PDZRN4: variants seen among roughly 807,000 people sequenced by gnomAD.
PDZRN4 encodes PDZ domain containing ring finger 4, also known as PDZ domain-containing RING finger protein 4.
PDZRN4 carries 70 observed loss-of-function variants against 99.0 expected under a neutral mutation model. The observed-to-expected ratio is 0.71, with a 90% CI of 0.58 to 0.86. The LOEUF (loss-of-function observed/expected upper bound fraction) is 0.86. Ranked by LOEUF, PDZRN4 falls within the 40% of genes least tolerant of loss-of-function variation. The pLI is 0.00. For missense variants in PDZRN4, 1,474 were observed against 1,331.2 expected, an observed-to-expected ratio of 1.11 and a Z score of -1.67; for synonymous variants, 551 against 501.6, an observed-to-expected ratio of 1.10 and a Z score of -1.32.
chr12:41,203,546 T>C (rs1950830387), intron 3 of PDZRN4, among the ~76,000 whole-genome samples: 2 of 152,002 alleles, frequency 1.3e-5, no homozygotes, highest in Non-Finnish European at 2.9e-5. Context: ...ATGTCAAGCA[T>C]TCTTTAGGTT....
chr12:41,270,546 C>G (rs1438433481), intron 3 of PDZRN4, among the ~76,000 whole-genome samples: 1 of 152,086 alleles, frequency 6.6e-6, no homozygotes, highest in Non-Finnish European at 1.5e-5. Flanking sequence ...TTGGCTTTCT[C>G]AAAATTTCCA....
chr12:41,199,572 C>T (rs1950801310), intron 3 of PDZRN4, among the ~76,000 whole-genome samples: 2 of 152,152 alleles, frequency 1.3e-5, no homozygotes, highest in African/African-American at 4.8e-5. Flanking sequence ...TTTATTGCAG[C>T]ACCATTCACA....
At chr12:41,342,020 C>A (rs1454340090) in intron 3 of PDZRN4, among the ~76,000 whole-genome samples, 2 of 151,590 alleles carry the variant, frequency 1.3e-5, no homozygotes, top group African/African-American at 4.8e-5. Context: ...CAATGGAACA[C>A]AATAAAAATC....
At chr12:41,207,436 A>C (rs953423331) in intron 3 of PDZRN4, among the ~76,000 whole-genome samples, 6 of 151,820 alleles carry the variant, frequency 4.0e-5, no homozygotes, top group Non-Finnish European at 5.9e-5. Flanking sequence ...TATATTTCAT[A>C]CAGTATGCTA....
intron 3 of PDZRN4, among the ~76,000 whole-genome samples, chr12:41,260,762 T>G (rs2120829917): frequency 6.6e-6 from 1 of 152,152 alleles, no homozygotes; most frequent in East Asian, 1.9e-4. Context: ...TATATAAACT[T>G]GTGTACAATT....
rs558932747 is a variant in PDZRN4, at chr12:41,525,598, AG to A, written c.1203+15687del. 2.0e-5 allele frequency among the ~76,000 whole-genome samples: 3 copies of A among 152,196 alleles called. No homozygotes were observed. In the South Asian group the frequency reaches 6.2e-4, roughly 31 times the overall value. On this transcript the variant is annotated intron_variant, in intron 5 of 9. Coordinates refer to ENST00000402685, the MANE Select transcript of PDZRN4 (RefSeq NM_001164595.2). ...GAATATAGATATGTAAGATAGATAT[AG>A]GTATAGACAGATCTACGTAGATTTG...
intron 3 of PDZRN4, among the ~76,000 whole-genome samples, chr12:41,225,325 CT>C (rs758688901): frequency 1.1e-4 from 16 of 151,710 alleles, no homozygotes; most frequent in Non-Finnish European, 2.2e-4. Flanking sequence ...GTGGTTGCAT[CT>C]GATGTAATAA....
intron 3 of PDZRN4, chr12:41,473,380 A>G (rs1346192713): frequency 6.6e-6 from 1 of 152,214 alleles, no homozygotes; most frequent in African/African-American, 2.4e-5. Context: ...AATTTAAATG[A>G]TACCACTCAG....
chr12:41,475,368 G>A (rs987227859), intron 3 of PDZRN4, among the ~76,000 whole-genome samples: 1 of 152,100 alleles, frequency 6.6e-6, no homozygotes, highest in African/African-American at 2.4e-5. Flanking sequence ...AAATTGTAGG[G>A]TAAAATAAAT....
At chr12:41,571,362 TCTCTCTCTCTCTCTCA>T (rs1222993506) in intron 9 of PDZRN4, among the ~76,000 whole-genome samples, 120 of 97,830 alleles carry the variant, frequency 1.2e-3, no homozygotes, top group African/African-American at 5.5e-3. Flanking sequence ...TCTCTCTCTC[TCTCTCTCTCTCTCTCA>T]CACACACACA....
At chr12:41,342,981 G>C (rs1202661406) in intron 3 of PDZRN4, among the ~76,000 whole-genome samples, 1 of 151,740 alleles carries the variant, frequency 6.6e-6, no homozygotes, top group Non-Finnish European at 1.5e-5. Flanking sequence ...TTAATGAATG[G>C]AAAAACAATA....
At position 41,331,857 on chromosome 12, in the gene PDZRN4, A is replaced by G. The variant is rs1209736061; in HGVS notation, c.843+137669A>G. Among the ~76,000 whole-genome samples the G allele has an allele frequency of 4.6e-5, 7 of 152,106 alleles. No homozygotes were observed. In the East Asian group the frequency reaches 1.4e-3, roughly 29 times the overall value. ...AGTTACCTCCCATCCAGTCCCTCCC[A>G]TGACACATGGGGATTATGGGAACTA... On this transcript the variant is annotated intron_variant, in intron 3 of 9. Coordinates refer to ENST00000402685, the MANE Select transcript of PDZRN4 (RefSeq NM_001164595.2).
chr12:41,461,608 T>C (rs1952874453), intron 3 of PDZRN4, among the ~76,000 whole-genome samples: 1 of 152,186 alleles, frequency 6.6e-6, no homozygotes, highest in Non-Finnish European at 1.5e-5. Context: ...TCATATATAT[T>C]AACCAGATTT....
chr12:41,224,037 C>T (rs1386725311), intron 3 of PDZRN4, among the ~76,000 whole-genome samples: 1 of 152,236 alleles, frequency 6.6e-6, no homozygotes, highest in Non-Finnish European at 1.5e-5. Context: ...CTGCAGAAAA[C>T]TGCACCAAGT....
intron 3 of PDZRN4, among the ~76,000 whole-genome samples, chr12:41,476,428 A>C (rs1292874540): frequency 2.0e-5 from 3 of 152,332 alleles, no homozygotes; most frequent in African/African-American, 4.8e-5. Flanking sequence ...CTAGTGTTTA[A>C]ATGCCATTCT....
intron 3 of PDZRN4, chr12:41,477,896 A>C: frequency 6.4e-7 from 1 of 1,552,614 alleles, no homozygotes; most frequent in Non-Finnish European, 8.7e-7. Context: ...AACCTTTGGC[A>C]TTGTTGACAT....
chr12:41,416,862 G>A (rs1208657904), intron 3 of PDZRN4, among the ~76,000 whole-genome samples: 2 of 152,136 alleles, frequency 1.3e-5, no homozygotes, highest in Non-Finnish European at 2.9e-5. Flanking sequence ...GGGTACTCCA[G>A]CTGAGTCCAA....
intron 5 of PDZRN4, among the ~76,000 whole-genome samples, chr12:41,516,035 G>A (rs1417609251): frequency 6.6e-6 from 1 of 151,914 alleles, no homozygotes; most frequent in Non-Finnish European, 1.5e-5. Context: ...CTTTGCTCAT[G>A]GGCTGCTGTG....
intron 3 of PDZRN4, among the ~76,000 whole-genome samples, chr12:41,433,540 A>G (rs1233340710): frequency 4.6e-5 from 7 of 152,232 alleles, no homozygotes; most frequent in Non-Finnish European, 1.0e-4. Context: ...TTTGTAAGCC[A>G]CATGTCAAGG....
Sources: gnomAD v4.1 joint callset for allele counts (sites outside exome capture counted in the v4.1 genomes callset) on GRCh38, gnomAD v4.1.1 for gene constraint, MANE v1.5 for transcripts, NCBI Gene and HGNC (gene_info 2026-07-23, HGNC 2026-07-21) for gene names.